The following DNAAF9 variants were observed in gnomAD, a reference collection of about 807,000 sequenced individuals.
DNAAF9 encodes the protein shulin.
DNAAF9 carries 90 observed loss-of-function variants against 167.0 expected under a neutral mutation model. The observed-to-expected ratio is 0.54, with a 90% CI of 0.45 to 0.64. DNAAF9 has a LOEUF of 0.64. DNAAF9 is among the 30% of genes least tolerant of loss of function. DNAAF9 has a pLI of 0.00. For synonymous variants in DNAAF9, 491 were observed against 508.8 expected, an observed-to-expected ratio of 0.96 and a Z score of 0.47; for missense variants, 1,315 against 1,442.2, an observed-to-expected ratio of 0.91 and a Z score of 1.43.
intron 6 of DNAAF9, among the ~76,000 whole-genome samples, chr20:3,371,821 T>C (rs947400055): frequency 1.3e-5 from 2 of 152,142 alleles, no homozygotes; most frequent in Non-Finnish European, 2.9e-5. Flanking sequence ...GGTTTGCTAT[T>C]AGGATCCTCC....
At chr20:3,320,403 G>A (rs1329553125) in intron 16 of DNAAF9, among the ~76,000 whole-genome samples, 1 of 152,126 alleles carries the variant, frequency 6.6e-6, no homozygotes, top group Non-Finnish European at 1.5e-5. Flanking sequence ...TCAACTTCCT[G>A]CCTCTTATTT....
chr20:3,330,107 T>C (rs2069793516), intron 12 of DNAAF9, among the ~76,000 whole-genome samples: 1 of 152,222 alleles, frequency 6.6e-6, no homozygotes, highest in African/African-American at 2.4e-5. Context: ...CATAAATGCA[T>C]GGGTGTGCAG....
chr20:3,270,315 T>C (rs2122805629), intron 30 of DNAAF9, 112 bp downstream of exon 30: 1 of 1,050,450 alleles, frequency 9.5e-7, no homozygotes, highest in Non-Finnish European at 1.4e-6. Context: ...GCTCAAAAAC[T>C]GACTTCTCCA....
intron 34 of DNAAF9, 104 bp downstream of exon 34, chr20:3,255,902 T>A: frequency 1.2e-6 from 1 of 824,778 alleles, no homozygotes; most frequent in South Asian, 1.6e-5. Context: ...GGAAGCCCAG[T>A]GGGGAGGCAT....
intron 16 of DNAAF9, among the ~76,000 whole-genome samples, chr20:3,321,477 T>C (rs2069615023): frequency 6.6e-6 from 1 of 152,248 alleles, no homozygotes; most frequent in East Asian, 1.9e-4. Context: ...TATTATGATA[T>C]TATGGGACCA....
rs140818180 is a variant in DNAAF9 at position 3,355,411 on chromosome 20, C to A, written c.690+4105G>T. Among the ~76,000 whole-genome samples, 619 of 152,096 alleles carry A rather than the reference C, an allele frequency of 4.1e-3. 8 individuals carry two copies. Among genetic ancestry groups the A allele is most frequent in the African/African-American group, 0.014 (591 of 41,508 alleles). On this transcript the variant is annotated intron_variant, in intron 7 of 36. Coordinates refer to ENST00000252032, the MANE Select transcript of DNAAF9 (RefSeq NM_001009984.3). Reference sequence around the variant, plus strand: ...TCAACATGGTAAAACCCCGTCTCTACTAAAAATACAAAAATTAGCCAGGCA... The same window carrying A: ...TCAACATGGTAAAACCCCGTCTCTAATAAAAATACAAAAATTAGCCAGGCA...
chr20:3,279,118 G>A (rs575538761), intron 28 of DNAAF9, among the ~76,000 whole-genome samples, 169 bp from the exon 29 acceptor site: 52 of 152,254 alleles, frequency 3.4e-4, no homozygotes, highest in African/African-American at 1.2e-3. Context: ...ACAGCTTTCC[G>A]TCAAAGCTCC....
Position 3,249,514 on chromosome 20 carries a change from GTGTT to G in DNAAF9, c.*3054_*3057del, listed in dbSNP as rs887812446. 1.3e-5 allele frequency: 2 copies of G among 152,178 alleles called. No homozygotes were observed. The highest frequency in any genetic ancestry group is 2.9e-5 in the Non-Finnish European group (2 of 68,038). The allele number at this position is 152,178 out of a possible 1,614,324, so 9.4% of individuals were successfully genotyped here. A position where few individuals can be genotyped will look rare whatever the true frequency, so the allele number is the denominator to read the frequency against. ...ATTCAGTTTCACTGAAGTTACAGTAGTGTTTGTAAATACGAGTTTTAAAATTTAA... is the reference window on the plus strand; with the variant it reads ...ATTCAGTTTCACTGAAGTTACAGTAGTGTAAATACGAGTTTTAAAATTTAA... On this transcript the variant is annotated 3_prime_UTR_variant, in exon 37 of 37. Transcript: ENST00000252032.
At chr20:3,253,313 C>T (rs112388255) in intron 36 of DNAAF9, among the ~76,000 whole-genome samples, 6,297 of 152,206 alleles carry the variant, frequency 0.041, 192 homozygotes, top group African/African-American at 0.084. Flanking sequence ...CGGCGGCAGG[C>T]GCCTGTAATC....
chr20:3,395,612 T>A (rs1463162715), intron 1 of DNAAF9, among the ~76,000 whole-genome samples: 1 of 152,056 alleles, frequency 6.6e-6, no homozygotes, highest in Admixed American at 6.6e-5. Flanking sequence ...AAGTGTAAAA[T>A]CAGCTTGTCA....
At position 3,255,988 on chromosome 20, in the gene DNAAF9, C is replaced by T. The variant is rs1479141348; in HGVS notation, c.3261+18G>A. ...CTGGTCACATCTGTGTCAGGTCTGT[C>T]TGGGCTCTGGAAACCACCTGCTTAG... On this transcript the variant is annotated intron_variant, in intron 34 of 36. Transcript: ENST00000252032. 8.7e-6 allele frequency: 14 copies of T among 1,602,064 alleles called. No individual in the cohort carries two copies. Among genetic ancestry groups the T allele is most frequent in the Non-Finnish European group, 1.2e-5 (14 of 1,170,988 alleles).
intron 9 of DNAAF9, among the ~76,000 whole-genome samples, chr20:3,342,798 T>C (rs1230464751): frequency 6.6e-6 from 1 of 152,126 alleles, no homozygotes; most frequent in East Asian, 1.9e-4. Flanking sequence ...GTCCTCTCTA[T>C]CCATCAGAGG....
chr20:3,406,500 G>A (rs1359668077), intron 1 of DNAAF9, among the ~76,000 whole-genome samples: 3 of 152,102 alleles, frequency 2.0e-5, no homozygotes, highest in Non-Finnish European at 4.4e-5. Flanking sequence ...GGTCTCTGCT[G>A]CAACCCCTCC....
At chr20:3,347,917 A>G (rs986291055) in intron 8 of DNAAF9, among the ~76,000 whole-genome samples, 1 of 152,002 alleles carries the variant, frequency 6.6e-6, no homozygotes, top group African/African-American at 2.4e-5. Context: ...GTGAGACTCC[A>G]TTTCAAAGGT....
intron 7 of DNAAF9, among the ~76,000 whole-genome samples, chr20:3,359,255 A>T (rs537200742): frequency 3.3e-5 from 5 of 152,326 alleles, no homozygotes; most frequent in Non-Finnish European, 7.3e-5. Flanking sequence ...TTAGATAAAA[A>T]CCTAAACCTA....
intron 20 of DNAAF9, among the ~76,000 whole-genome samples, chr20:3,304,917 C>G (rs990429153): frequency 2.0e-5 from 3 of 152,238 alleles, no homozygotes; most frequent in African/African-American, 7.2e-5. Context: ...TTGCCAGAAG[C>G]TGGCTCGGCC....
At chr20:3,293,665 A>AC (rs2069009320) in intron 25 of DNAAF9, among the ~76,000 whole-genome samples, 1 of 75,280 alleles carries the variant, frequency 1.3e-5, no homozygotes. Context: ...AGCCTGGGTG[A>AC]CAAAAAAAAA....
intron 3 of DNAAF9, among the ~76,000 whole-genome samples, chr20:3,377,088 A>G (rs1600888369): frequency 2.6e-5 from 4 of 152,330 alleles, no homozygotes; most frequent in African/African-American, 7.2e-5. Flanking sequence ...AAATAAAAAT[A>G]AATACAGACC....
intron 7 of DNAAF9, among the ~76,000 whole-genome samples, chr20:3,354,191 A>G (rs6139093): frequency 0.25 from 38,135 of 152,156 alleles, 5,388 homozygotes; most frequent in African/African-American, 0.37. Context: ...ATCTAGACAA[A>G]AGATACCTAG....
Sources: gnomAD v4.1 joint callset for allele counts (sites outside exome capture counted in the v4.1 genomes callset) on GRCh38, gnomAD v4.1.1 for gene constraint, MANE v1.5 for transcripts, NCBI Gene and HGNC (gene_info 2026-07-23, HGNC 2026-07-21) for gene names.